RABGEF1: variants seen among roughly 807,000 people sequenced by gnomAD.
The protein encoded by RABGEF1 is RAB guanine nucleotide exchange factor 1.
RABGEF1 carries 26 observed loss-of-function variants against 57.3 expected under a neutral mutation model. The observed-to-expected ratio is 0.45, with a 90% CI of 0.33 to 0.63. RABGEF1 has a LOEUF of 0.63. RABGEF1 is among the 20% of genes least tolerant of loss of function. The pLI is 0.02. For synonymous variants in RABGEF1, 185 were observed against 210.7 expected (o/e 0.88, Z 1.06); for missense variants, 464 against 607.6 (o/e 0.76, Z 2.48).
chr7:66,802,949 GAAAA>G (rs904666685), intron 7 of RABGEF1, among the ~76,000 whole-genome samples: 1 of 150,162 alleles, frequency 6.7e-6, no homozygotes, highest in Non-Finnish European at 1.5e-5. Context: ...ATAAAAGAGA[GAAAA>G]AAAAATCACC....
intron 2 of RABGEF1, among the ~76,000 whole-genome samples, chr7:66,731,636 G>C (rs1797328021): frequency 6.6e-6 from 1 of 152,140 alleles, no homozygotes; most frequent in Non-Finnish European, 1.5e-5. Flanking sequence ...AAGATGGCTT[G>C]AGCCCAGGAG....
At chr7:66,764,699 C>T (rs1362550508) in intron 1 of RABGEF1, among the ~76,000 whole-genome samples, 2 of 152,166 alleles carry the variant, frequency 1.3e-5, no homozygotes, top group Non-Finnish European at 2.9e-5. Flanking sequence ...TTTCCCGGCA[C>T]TATTTGGTGA....
chr7:66,667,077 G>A, the RABGEF1 span, among the ~76,000 whole-genome samples: 5 of 152,210 alleles, frequency 3.3e-5, no homozygotes, highest in Non-Finnish European at 7.4e-5. Flanking sequence ...TCTCCTCCAA[G>A]GCTCTGGTGG....
chr7:66,720,191 A>T (rs200798351), intron 2 of RABGEF1, among the ~76,000 whole-genome samples: 2,705 of 79,544 alleles, frequency 0.034, 29 homozygotes, highest in Middle Eastern at 0.051. Flanking sequence ...TATTATTATT[A>T]TTATTTTTTT....
At chr7:66,777,765 C>A (rs1808889878) in intron 3 of RABGEF1, among the ~76,000 whole-genome samples, 1 of 152,000 alleles carries the variant, frequency 6.6e-6, no homozygotes, top group Non-Finnish European at 1.5e-5. Flanking sequence ...TGCACTCCAG[C>A]CTAGGCAGCA....
chr7:66,700,885 T>G (rs1353017522), intron 1 of RABGEF1, among the ~76,000 whole-genome samples: 1 of 147,890 alleles, frequency 6.8e-6, no homozygotes, highest in Admixed American at 6.8e-5. Flanking sequence ...CTGTCCAGAC[T>G]CTCATACTGT....
chr7:66,795,456 C>G, intron 4 of RABGEF1, 55 bp from the exon 5 acceptor site: 6 of 1,428,238 alleles, frequency 4.2e-6, no homozygotes, highest in Non-Finnish European at 4.9e-6. Flanking sequence ...GAATGTAGAG[C>G]TGTGCTTCTG....
chr7:66,759,388 C>G (rs191496719), intron 1 of RABGEF1, among the ~76,000 whole-genome samples: 1 of 152,326 alleles, frequency 6.6e-6, no homozygotes, highest in Admixed American at 6.5e-5. Context: ...ACTTCCCCAG[C>G]CGTAAACTCT....
intron 2 of RABGEF1, among the ~76,000 whole-genome samples, chr7:66,724,759 T>A (rs922373302): frequency 6.6e-6 from 1 of 152,248 alleles, no homozygotes; most frequent in African/African-American, 2.4e-5. Context: ...AGCAATTATT[T>A]CTTCTGCCTC....
Position 66,784,185 on chromosome 7 carries a change from G to C in RABGEF1, c.513+344G>C, listed in dbSNP as rs139641011. Among the ~76,000 whole-genome samples, 1,355 of 152,314 alleles carry C rather than the reference G, an allele frequency of 8.9e-3. 17 individuals carry two copies. Among genetic ancestry groups the C allele is most frequent in the African/African-American group, 0.03 (1,267 of 41,568 alleles). ...ACTCTGTGCAACCATTGTTAGGCCAGTGGCAGTAATTTTAAGGGTTGTTGT... is the reference window on the plus strand; with the variant it reads ...ACTCTGTGCAACCATTGTTAGGCCACTGGCAGTAATTTTAAGGGTTGTTGT... On this transcript the variant is annotated intron_variant, in intron 4 of 8. Coordinates refer to ENST00000284957, the MANE Select transcript of RABGEF1 (RefSeq NM_014504.3).
intron 3 of RABGEF1, among the ~76,000 whole-genome samples, chr7:66,778,564 C>T (rs1460074203): frequency 2.0e-5 from 3 of 152,116 alleles, no homozygotes; most frequent in Non-Finnish European, 4.4e-5. Context: ...CTTTCATGAA[C>T]GGATCTGAAG....
intron 3 of RABGEF1, among the ~76,000 whole-genome samples, chr7:66,780,858 C>G (rs996623576): frequency 6.6e-6 from 1 of 152,162 alleles, no homozygotes; most frequent in Non-Finnish European, 1.5e-5. Context: ...GGTACAACCA[C>G]TTAAGCTCTT....
intron 3 of RABGEF1, among the ~76,000 whole-genome samples, chr7:66,781,092 C>T (rs2129136885): frequency 6.6e-6 from 1 of 152,014 alleles, no homozygotes; most frequent in African/African-American, 2.4e-5. Context: ...GTATTTATCC[C>T]AACTTGTCTT....
At chr7:66,662,818 C>T in the RABGEF1 span, among the ~76,000 whole-genome samples, 15 of 150,666 alleles carry the variant, frequency 1.0e-4, no homozygotes, top group South Asian at 6.3e-4. Context: ...TGTAGGTGTG[C>T]GTGTGCAGGC....
chr7:66,702,261 C>CATTGTATG (rs879925574), intron 1 of RABGEF1, among the ~76,000 whole-genome samples: 3 of 151,896 alleles, frequency 2.0e-5, no homozygotes, highest in Non-Finnish European at 4.4e-5. Flanking sequence ...GATAATATTT[C>CATTGTATG]ATTGTATGGA....
intron 1 of RABGEF1, among the ~76,000 whole-genome samples, chr7:66,766,419 T>G (rs1253294939): frequency 2.0e-5 from 3 of 152,164 alleles, no homozygotes; most frequent in Admixed American, 1.3e-4. Flanking sequence ...TACTATAGGA[T>G]GTAGTAGATG....
At chr7:66,728,824 A>C (rs1047179059) in intron 2 of RABGEF1, among the ~76,000 whole-genome samples, 94 of 151,472 alleles carry the variant, frequency 6.2e-4, no homozygotes, top group Non-Finnish European at 1.3e-3. Flanking sequence ...CTCCATCCTC[A>C]AGACCACCTT....
At chr7:66,659,891 T>G in the RABGEF1 span, among the ~76,000 whole-genome samples, 3 of 150,444 alleles carry the variant, frequency 2.0e-5, no homozygotes, top group Admixed American at 6.6e-5. Context: ...GCTAGCAGAA[T>G]AGGGGAAACA....
At chr7:66,803,143 A>G (rs74921347) in intron 7 of RABGEF1, among the ~76,000 whole-genome samples, 2,228 of 152,342 alleles carry the variant, frequency 0.015, 59 homozygotes, top group East Asian at 0.094. Context: ...AGCAAACAAT[A>G]AAACAGCAAA....
Sources: allele counts gnomAD v4.1 joint callset (sites outside exome capture counted in the v4.1 genomes callset), GRCh38; gene constraint gnomAD v4.1.1; transcripts MANE v1.5; gene names NCBI Gene and HGNC (gene_info 2026-07-23, HGNC 2026-07-21).